Variants in MAN2A1 observed in about 807,000 individuals in gnomAD.
MAN2A1 encodes the protein mannosidase alpha class 2A member 1, also known as alpha-mannosidase 2.
In MAN2A1, 76 loss-of-function variants were observed where a neutral mutation model predicts 142.6. The ratio of observed to expected loss-of-function variants is 0.53; its 90% confidence interval spans 0.44 to 0.65. MAN2A1 has a LOEUF of 0.65. MAN2A1 is among the 30% of genes least tolerant of loss of function. The pLI is 0.00. For missense variants in MAN2A1, 1,311 were observed against 1,365.1 expected, an observed-to-expected ratio of 0.96 and a Z score of 0.62; for synonymous variants, 559 against 473.2, an observed-to-expected ratio of 1.18 and a Z score of -2.35.
chr5:109,743,308 C>T (rs1274982394), intron 4 of MAN2A1, among the ~76,000 whole-genome samples: 1 of 152,178 alleles, frequency 6.6e-6, no homozygotes, highest in Non-Finnish European at 1.5e-5. Context: ...ATTTGGACTA[C>T]TTCCAGATCT....
chr5:109,739,102 A>T (rs572772227), intron 4 of MAN2A1, among the ~76,000 whole-genome samples: 1 of 152,130 alleles, frequency 6.6e-6, no homozygotes, highest in Non-Finnish European at 1.5e-5. Flanking sequence ...TCAGCCTCCC[A>T]AAGTGCTGGG....
At chr5:109,739,504 A>T (rs567673526) in intron 4 of MAN2A1, among the ~76,000 whole-genome samples, 22 of 150,966 alleles carry the variant, frequency 1.5e-4, no homozygotes, top group Non-Finnish European at 3.0e-4. Flanking sequence ...CTTCCCTGCC[A>T]CTCCCTCGGT....
At chr5:109,836,342 C>T (rs1755054607) in intron 16 of MAN2A1, among the ~76,000 whole-genome samples, 1 of 151,818 alleles carries the variant, frequency 6.6e-6, no homozygotes, top group African/African-American at 2.4e-5. Context: ...GTCTCAAATC[C>T]TGACTTCACA....
intron 15 of MAN2A1, among the ~76,000 whole-genome samples, chr5:109,822,887 C>T (rs1754664663): frequency 6.6e-6 from 1 of 152,076 alleles, no homozygotes; most frequent in Non-Finnish European, 1.5e-5. Flanking sequence ...CCATGTTAGC[C>T]AGGATGGTCT....
Position 109,781,345 on chromosome 5 carries a change from A to G in MAN2A1, c.1375-51A>G, listed in dbSNP as rs878925657. ...AACTTTCCCTAACAGTGTAAGAAGT[A>G]AATAATTTTAAGATAGAATGAATAA... is the stretch of plus-strand genomic sequence containing the variant. On this transcript the variant is annotated intron_variant, in intron 8 of 21. Coordinates refer to ENST00000261483, the MANE Select transcript of MAN2A1 (RefSeq NM_002372.4). 4.6e-6 allele frequency: 5 copies of G among 1,084,850 alleles called. No homozygotes were observed. The South Asian group carries it at 8.1e-5, about 17-fold the overall frequency. 67.2% of individuals were successfully genotyped at this position (1,084,850 alleles called of 1,614,324 possible).
intron 19 of MAN2A1, among the ~76,000 whole-genome samples, chr5:109,849,576 T>C (rs1401469990): frequency 1.3e-5 from 2 of 152,182 alleles, no homozygotes; most frequent in Non-Finnish European, 2.9e-5. Flanking sequence ...ATTTCAAATT[T>C]ATAATCTTCT....
intron 5 of MAN2A1, among the ~76,000 whole-genome samples, chr5:109,757,227 A>G (rs1349712927): frequency 7.2e-5 from 11 of 152,096 alleles, no homozygotes; most frequent in Non-Finnish European, 1.3e-4. Context: ...CTCTCTACAC[A>G]ATGCCCTTTT....
At chr5:109,769,059 G>A (rs1019719190) in intron 6 of MAN2A1, among the ~76,000 whole-genome samples, 1 of 152,146 alleles carries the variant, frequency 6.6e-6, no homozygotes, top group Non-Finnish European at 1.5e-5. Flanking sequence ...CAAAAGAGTA[G>A]CGCATAAGGA....
At chr5:109,858,435 A>G (rs554203089) in intron 20 of MAN2A1, among the ~76,000 whole-genome samples, 1 of 152,306 alleles carries the variant, frequency 6.6e-6, no homozygotes, top group South Asian at 2.1e-4. Context: ...TTCCATGCTT[A>G]TACTAAAAAA....
Position 109,716,404 on chromosome 5 carries a change from A to G in MAN2A1, c.535+140A>G, listed in dbSNP as rs1751454129. ...CTTTTAACATTAATATATTCCTTTT[A>G]TGTGTCATTATGTTTTAGTGTTCTC... On this transcript the variant is annotated intron_variant, in intron 3 of 21. Coordinates refer to ENST00000261483, the MANE Select transcript of MAN2A1 (RefSeq NM_002372.4). The G allele has an allele frequency of 1.5e-5, 9 of 607,012 alleles. No individual in the cohort carries two copies. In the South Asian group the frequency reaches 1.6e-4, roughly 11 times the overall value. 37.6% of individuals were successfully genotyped at this position (607,012 alleles called of 1,614,324 possible).
intron 1 of MAN2A1, among the ~76,000 whole-genome samples, chr5:109,709,455 A>G (rs929551714): frequency 6.6e-6 from 1 of 152,216 alleles, no homozygotes; most frequent in Admixed American, 6.5e-5. Context: ...AGCAGGGAGA[A>G]GGAAAGGCAC....
chr5:109,820,910 G>C (rs1754605490), intron 15 of MAN2A1, among the ~76,000 whole-genome samples: 1 of 152,156 alleles, frequency 6.6e-6, no homozygotes, highest in Admixed American at 6.5e-5. Context: ...GTAGAGTTAG[G>C]GAGCTTTATA....
chr5:109,770,376 T>C lies in MAN2A1; in HGVS notation c.1031T>C (p.Ile344Thr). Residue 344 changes from isoleucine to threonine, a missense_variant, in exon 7 of 22, where the codon ATT becomes ACT. Ile to Thr is a moderately conservative substitution (Grantham distance 89). Transcript: ENST00000261483. The stretch of plus-strand genomic sequence containing the variant: ...TTAGATCTGGGATCTGTCACAGATA[T>C]TTTATGCCACATGATGCCCTTCTAC... ...QNWDLGSVTD[I>T]LCHMMPFYSY... 6.2e-7 allele frequency: 1 copy of C among 1,613,840 alleles called. No individual in the cohort carries two copies. Among genetic ancestry groups the C allele is most frequent in the South Asian group, 1.1e-5 (1 of 91,054 alleles).
At chr5:109,865,286 C>A (rs369431595) in intron 21 of MAN2A1, 140 bp downstream of exon 21, 2 of 646,154 alleles carry the variant, frequency 3.1e-6, no homozygotes, top group East Asian at 5.6e-5. Flanking sequence ...TTTGAATCTC[C>A]CCATCTGAAA....
At chr5:109,741,287 T>C (rs1394784020) in intron 4 of MAN2A1, among the ~76,000 whole-genome samples, 1 of 152,220 alleles carries the variant, frequency 6.6e-6, no homozygotes, top group Non-Finnish European at 1.5e-5. Context: ...TAATTCACTT[T>C]TATTCACTTA....
chr5:109,744,261 G>T (rs1182593918), intron 4 of MAN2A1, among the ~76,000 whole-genome samples: 1 of 152,052 alleles, frequency 6.6e-6, no homozygotes, highest in East Asian at 1.9e-4. Context: ...ATAATAAAGG[G>T]TTTTCTTCTA....
intron 12 of MAN2A1, among the ~76,000 whole-genome samples, chr5:109,792,256 A>G (rs999495230): frequency 3.9e-5 from 6 of 152,126 alleles, no homozygotes; most frequent in African/African-American, 1.4e-4. Context: ...CTGAAATCCC[A>G]GAACCTACTT....
At chr5:109,767,893 A>G (rs1753036612) in intron 6 of MAN2A1, among the ~76,000 whole-genome samples, 185 bp downstream of exon 6, 1 of 152,184 alleles carries the variant, frequency 6.6e-6, no homozygotes, top group Non-Finnish European at 1.5e-5. Flanking sequence ...GTAATAATGC[A>G]GATATTTATA....
intron 9 of MAN2A1, among the ~76,000 whole-genome samples, chr5:109,782,018 T>C (rs1057179143): frequency 2.6e-5 from 4 of 152,172 alleles, no homozygotes; most frequent in African/African-American, 9.6e-5. Flanking sequence ...CAGCCAAACG[T>C]GAGCTTCAAA....
Sources: allele counts gnomAD v4.1 joint callset (sites outside exome capture counted in the v4.1 genomes callset), GRCh38; gene constraint gnomAD v4.1.1; transcripts MANE v1.5; gene names NCBI Gene and HGNC (gene_info 2026-07-23, HGNC 2026-07-21).